Variants in UNC93A observed in about 807,000 individuals in gnomAD.
The protein encoded by UNC93A is N-acetylglucosamine transporter UNC93A.
A neutral mutation model predicts 47.5 loss-of-function variants in UNC93A; 43 were observed. The ratio of observed to expected loss-of-function variants is 0.91; its 90% CI spans 0.71 to 1.17. The LOEUF (loss-of-function observed/expected upper bound fraction) is 1.17. Ranked by LOEUF, UNC93A falls within the 50% of genes most tolerant of loss-of-function variation. The pLI is 0.00. For synonymous variants in UNC93A, 280 were observed against 258.0 expected, an observed-to-expected ratio of 1.09 and a Z score of -0.82; for missense variants, 605 against 577.6, an observed-to-expected ratio of 1.05 and a Z score of -0.49.
intron 1 of UNC93A, among the ~76,000 whole-genome samples, chr6:167,278,357 C>T (rs73259171): frequency 0.019 from 2,919 of 152,196 alleles, 106 homozygotes; most frequent in African/African-American, 0.067. Flanking sequence ...CCCCAGGGCC[C>T]GTGAGGCCAG....
At chr6:167,289,655 C>T (rs936163498), upstream of UNC93A, among the ~76,000 whole-genome samples, 5 of 151,666 alleles carry the variant, frequency 3.3e-5, no homozygotes, top group Admixed American at 2.0e-4. Flanking sequence ...AGCCAGAGAG[C>T]GAGTCCTAGA....
upstream of UNC93A, among the ~76,000 whole-genome samples, chr6:167,290,891 T>C (rs950846342): frequency 7.9e-5 from 12 of 152,328 alleles, no homozygotes; most frequent in African/African-American, 2.9e-4. Flanking sequence ...ATGTAAGTTG[T>C]TTTTTCTTTT....
At chr6:167,296,318 G>A (rs562644976) in intron 3 of UNC93A, 57 bp downstream of exon 3, 1 of 1,570,242 alleles carries the variant, frequency 6.4e-7, no homozygotes, top group Admixed American at 1.7e-5. Context: ...TTCAGTGATG[G>A]GGGAGAGGGT....
chr6:167,294,829 C>T (rs759352034), intron 2 of UNC93A, 131 bp downstream of exon 2: 34 of 982,536 alleles, frequency 3.5e-5, no homozygotes, highest in Non-Finnish European at 4.4e-5. Context: ...GCTCTCCTGC[C>T]CCTGCACCCC....
At chr6:167,300,177 G>A (rs1380458869) in intron 4 of UNC93A, among the ~76,000 whole-genome samples, 2 of 152,220 alleles carry the variant, frequency 1.3e-5, no homozygotes, top group Non-Finnish European at 2.9e-5. Context: ...ACGCCGTGCA[G>A]GGCTCAGGCC....
intron 7 of UNC93A, among the ~76,000 whole-genome samples, chr6:167,314,924 C>T (rs966546826): frequency 3.3e-5 from 5 of 152,182 alleles, no homozygotes; most frequent in African/African-American, 9.7e-5. Flanking sequence ...ACCTTGGGCA[C>T]ATCTCGTCAG....
chr6:167,280,578 TAGAG>T (rs1783615399), intron 1 of UNC93A, among the ~76,000 whole-genome samples: 1 of 152,062 alleles, frequency 6.6e-6, no homozygotes, highest in Non-Finnish European at 1.5e-5. Flanking sequence ...TCTCAGTCCT[TAGAG>T]AGTCAGACAG....
chr6:167,303,449 C>A (rs1003382714), intron 4 of UNC93A, among the ~76,000 whole-genome samples: 4 of 151,874 alleles, frequency 2.6e-5, no homozygotes, highest in African/African-American at 9.7e-5. Flanking sequence ...TTAACCAGTT[C>A]TTATTGGAGG....
At chr6:167,278,697 C>G (rs1431133290) in intron 1 of UNC93A, among the ~76,000 whole-genome samples, 1 of 152,148 alleles carries the variant, frequency 6.6e-6, no homozygotes, top group Non-Finnish European at 1.5e-5. Flanking sequence ...GCAAATGCAG[C>G]CATCTGCTTC....
rs1555033 is a variant in UNC93A at position 167,297,930 on chromosome 6, A to C, written c.500-15A>C. On this transcript the variant is annotated splice_polypyrimidine_tract_variant and intron_variant, in intron 3 of 7. Coordinates refer to ENST00000230256, the MANE Select transcript of UNC93A (RefSeq NM_018974.4). ...TGCCGTCATCTCATGTCTCCTGTCC[A>C]CTCTGACTTCATAGAGACCCTTCCA... 1 of 1,612,178 alleles carries C rather than the reference A, an allele frequency of 6.2e-7. No individual in the cohort carries two copies. The highest frequency in any genetic ancestry group is 1.3e-5 in the African/African-American group (1 of 74,678).
chr6:167,306,125 G>A, intron 6 of UNC93A, 75 bp downstream of exon 6: 1 of 1,589,878 alleles, frequency 6.3e-7, no homozygotes, highest in Admixed American at 1.7e-5. Flanking sequence ...TCACAGTCAG[G>A]ACAGGCTGGA....
chr6:167,308,743 C>T (rs1270382604), intron 7 of UNC93A, among the ~76,000 whole-genome samples: 2 of 152,042 alleles, frequency 1.3e-5, no homozygotes, highest in African/African-American at 2.4e-5. Context: ...CTGGAAGCAG[C>T]AGAAAGCGCT....
intron 1 of UNC93A, among the ~76,000 whole-genome samples, chr6:167,271,815 A>C (rs1783455764): frequency 6.6e-6 from 1 of 152,226 alleles, no homozygotes; most frequent in South Asian, 2.1e-4. Context: ...GCTTCTAAAC[A>C]AAATAATGAC....
At position 167,295,048 on chromosome 6, in the gene UNC93A, G is replaced by A. The variant is rs148274085; in HGVS notation, c.269+350G>A. ...TGCAATGCAGATGGTGAGTCTCGTG[G>A]GCACCTAGGCAGATGTCACCAATGG... On this transcript the variant is annotated intron_variant, in intron 2 of 7. Coordinates refer to ENST00000230256, the MANE Select transcript of UNC93A (RefSeq NM_018974.4). Among the ~76,000 whole-genome samples, 754 of 152,226 alleles carry A rather than the reference G, an allele frequency of 5.0e-3. 10 individuals are homozygous for A. Among genetic ancestry groups the A allele is most frequent in the African/African-American group, 0.017 (706 of 41,516 alleles).
chr6:167,296,908 C>G (rs1374632615), intron 3 of UNC93A, among the ~76,000 whole-genome samples: 1 of 152,170 alleles, frequency 6.6e-6, no homozygotes, highest in Non-Finnish European at 1.5e-5. Flanking sequence ...TGACTAGTAT[C>G]ACAACTATTT....
chr6:167,311,053 A>G (rs1778542067), intron 7 of UNC93A, among the ~76,000 whole-genome samples: 1 of 152,196 alleles, frequency 6.6e-6, no homozygotes, highest in Non-Finnish European at 1.5e-5. Context: ...CTATTTTTTG[A>G]AAAAACTGGA....
chr6:167,299,327 C>T (rs891001362), intron 4 of UNC93A, among the ~76,000 whole-genome samples: 5 of 152,068 alleles, frequency 3.3e-5, no homozygotes, highest in Admixed American at 2.6e-4. Context: ...AACTCCTGCA[C>T]TCTGCCGGGG....
Position 167,283,403 on chromosome 6 carries a change from G to A in UNC93A, c.-51-8036G>A, listed in dbSNP as rs76913197. ...CAAGGAGGGTATAATGAGGCACATCGGACCTTGCCTTCCCATCGTGGCCTG... is the reference window on the plus strand; with the variant it reads ...CAAGGAGGGTATAATGAGGCACATCAGACCTTGCCTTCCCATCGTGGCCTG... On this transcript the variant is annotated intron_variant, in intron 1 of 3. Transcript: ENST00000503433. Among the ~76,000 whole-genome samples the A allele has an allele frequency of 2.4e-3, 364 of 152,194 alleles. 1 individual carries two copies. The highest frequency in any genetic ancestry group is 8.5e-3 in the African/African-American group (354 of 41,502).
intron 1 of UNC93A, among the ~76,000 whole-genome samples, chr6:167,293,164 G>A (rs975995759): frequency 2.5e-4 from 38 of 152,168 alleles, no homozygotes; most frequent in African/African-American, 8.9e-4. Flanking sequence ...ATCACTCATG[G>A]TGGCATCTGG....
Sources: allele counts gnomAD v4.1 joint callset (sites outside exome capture counted in the v4.1 genomes callset), GRCh38; gene constraint gnomAD v4.1.1; transcripts MANE v1.5; gene names NCBI Gene and HGNC (gene_info 2026-07-23, HGNC 2026-07-21).